KCTD8: variants seen among roughly 807,000 people sequenced by gnomAD.
The protein encoded by KCTD8 is potassium channel tetramerization domain containing 8.
In KCTD8, 27 loss-of-function variants were observed where a neutral mutation model predicts 31.5. That is an observed-to-expected ratio of 0.86 (90% confidence interval 0.63 to 1.18). The LOEUF is 1.18. Among genes scored for constraint, KCTD8 ranks in the 50% most tolerant of loss-of-function variants. KCTD8 has a pLI of 0.00. For missense variants in KCTD8, 658 were observed against 647.7 expected, an observed-to-expected ratio of 1.02 and a Z score of -0.17; for synonymous variants, 290 against 280.0, an observed-to-expected ratio of 1.04 and a Z score of -0.36.
chr4:44,354,992 G>C (rs1222018863), intron 1 of KCTD8, among the ~76,000 whole-genome samples: 1 of 152,046 alleles, frequency 6.6e-6, no homozygotes, highest in African/African-American at 2.4e-5. Context: ...TTGGGAAGTA[G>C]GAAGTAAATA....
At chr4:44,380,382 T>A (rs924409663) in intron 1 of KCTD8, among the ~76,000 whole-genome samples, 1 of 150,356 alleles carries the variant, frequency 6.7e-6, no homozygotes, top group Non-Finnish European at 1.5e-5. Context: ...AATGAGTACA[T>A]GTTAAAATCA....
chr4:44,353,495 C>T (rs34973508), intron 1 of KCTD8, among the ~76,000 whole-genome samples: 61,551 of 151,808 alleles, frequency 0.41, 13,117 homozygotes, highest in Non-Finnish European at 0.48. Context: ...ACTCTATTAT[C>T]TTTAAATATA....
chr4:44,194,218 G>T (rs972943021), intron 1 of KCTD8, among the ~76,000 whole-genome samples: 1 of 152,138 alleles, frequency 6.6e-6, no homozygotes, highest in African/African-American at 2.4e-5. Context: ...TAAATAATGA[G>T]CAGATTCTGT....
intron 1 of KCTD8, among the ~76,000 whole-genome samples, chr4:44,438,914 G>A (rs1403282390): frequency 2.0e-5 from 3 of 152,166 alleles, no homozygotes; most frequent in Admixed American, 6.5e-5. Context: ...TCATAACAAA[G>A]CTTTAAAGTG....
At chr4:44,420,345 C>T (rs1316753792) in intron 1 of KCTD8, among the ~76,000 whole-genome samples, 1 of 152,086 alleles carries the variant, frequency 6.6e-6, no homozygotes, top group Non-Finnish European at 1.5e-5. Context: ...CAAGAAGAGA[C>T]AATAAGTAAG....
intron 1 of KCTD8, among the ~76,000 whole-genome samples, chr4:44,349,065 G>GCCACCGCCACCACCA (rs1159230615): frequency 9.3e-6 from 1 of 107,828 alleles, no homozygotes; most frequent in Admixed American, 8.9e-5. Flanking sequence ...CACCATCGCT[G>GCCACCGCCACCACCA]CCACCGCCAC....
At chr4:44,266,279 T>C (rs1716356725) in intron 1 of KCTD8, among the ~76,000 whole-genome samples, 1 of 151,724 alleles carries the variant, frequency 6.6e-6, no homozygotes, top group Non-Finnish European at 1.5e-5. Flanking sequence ...CAGAATTTCA[T>C]ATCCAGCCAA....
intron 1 of KCTD8, among the ~76,000 whole-genome samples, chr4:44,443,255 A>C (rs1721858047): frequency 6.6e-6 from 1 of 152,236 alleles, no homozygotes; most frequent in Admixed American, 6.5e-5. Context: ...TCAACTTTTA[A>C]AATTGTGGTT....
At chr4:44,426,112 A>G (rs771208311) in intron 1 of KCTD8, among the ~76,000 whole-genome samples, 1 of 151,878 alleles carries the variant, frequency 6.6e-6, no homozygotes, top group Non-Finnish European at 1.5e-5. Context: ...AAGCTGAATA[A>G]TACATGTCAA....
intron 1 of KCTD8, among the ~76,000 whole-genome samples, chr4:44,177,565 G>A (rs751893188): frequency 2.9e-4 from 44 of 152,116 alleles, no homozygotes; most frequent in Non-Finnish European, 5.1e-4. Flanking sequence ...TGCTGTTCTC[G>A]CTATAGTGAA....
chr4:44,201,448 A>AC, intron 1 of KCTD8, among the ~76,000 whole-genome samples: 1 of 152,130 alleles, frequency 6.6e-6, no homozygotes. Context: ...TGGTACTGGT[A>AC]CAAAAATAGA....
chr4:44,414,101 A>T (rs964516656), intron 1 of KCTD8, among the ~76,000 whole-genome samples: 1 of 152,176 alleles, frequency 6.6e-6, no homozygotes, highest in Non-Finnish European at 1.5e-5. Context: ...CTCCAGGACT[A>T]TAGGAGAATA....
chr4:44,446,035 C>T (rs1721930578), intron 1 of KCTD8, among the ~76,000 whole-genome samples: 2 of 152,120 alleles, frequency 1.3e-5, no homozygotes, highest in Admixed American at 6.5e-5. Context: ...TTTTAGCTTC[C>T]AATTCAGTGG....
chr4:44,388,173 T>C (rs1231443077), intron 1 of KCTD8, among the ~76,000 whole-genome samples: 1 of 151,628 alleles, frequency 6.6e-6, no homozygotes, highest in Non-Finnish European at 1.5e-5. Context: ...CTAACACGAG[T>C]CAGAATGGCT....
intron 1 of KCTD8, among the ~76,000 whole-genome samples, chr4:44,280,079 TG>T (rs1162156910): frequency 6.6e-6 from 1 of 152,086 alleles, no homozygotes; most frequent in Non-Finnish European, 1.5e-5. Context: ...GAAGACACTA[TG>T]AAATTTATAT....
chr4:44,193,543 C>T (rs1047509444), intron 1 of KCTD8, among the ~76,000 whole-genome samples: 1 of 151,710 alleles, frequency 6.6e-6, no homozygotes, highest in Non-Finnish European at 1.5e-5. Flanking sequence ...CATATCTGAA[C>T]ATTTGGGGAT....
At chr4:44,378,017 C>T (rs908549059) in intron 1 of KCTD8, among the ~76,000 whole-genome samples, 15 of 151,328 alleles carry the variant, frequency 9.9e-5, no homozygotes, top group East Asian at 9.7e-4. Context: ...TGAGATCGCC[C>T]GTATGTAAAG....
At chr4:44,312,550 C>A (rs1279107521) in intron 1 of KCTD8, among the ~76,000 whole-genome samples, 1 of 152,040 alleles carries the variant, frequency 6.6e-6, no homozygotes, top group Non-Finnish European at 1.5e-5. Flanking sequence ...CGTATGAATA[C>A]AGAACTAACT....
intron 1 of KCTD8, among the ~76,000 whole-genome samples, chr4:44,411,233 C>G (rs1210983939): frequency 6.6e-6 from 1 of 151,754 alleles, no homozygotes; most frequent in Non-Finnish European, 1.5e-5. Context: ...AAGTAGTTAA[C>G]CAGGTATGGT....
Sources: gnomAD v4.1 joint callset for allele counts (sites outside exome capture counted in the v4.1 genomes callset) on GRCh38, gnomAD v4.1.1 for gene constraint, MANE v1.5 for transcripts, NCBI Gene and HGNC (gene_info 2026-07-23, HGNC 2026-07-21) for gene names.